FGF13: variants seen among roughly 807,000 people sequenced by gnomAD.
FGF13 encodes fibroblast growth factor 13.
A neutral mutation model predicts 19.5 loss-of-function variants in FGF13; 2 were observed. The ratio of observed to expected loss-of-function variants is 0.10; its 90% CI spans 0.04 to 0.32. The LOEUF is 0.32. Ranked by LOEUF, FGF13 falls within the 10% of genes least tolerant of loss-of-function variation. FGF13 has a pLI of 1.00. For missense variants in FGF13, 113 were observed against 192.7 expected (o/e 0.59, Z 2.45); for synonymous variants, 72 against 76.9 (o/e 0.94, Z 0.33).
At chrX:138,812,718 T>A (rs997452727) in intron 3 of FGF13, among the ~76,000 whole-genome samples, 5 of 111,814 alleles carry the variant, frequency 4.5e-5, no homozygotes, top group Admixed American at 9.5e-5. Context: ...TTTTGGATTT[T>A]AAAAAAATTT....
chrX:138,671,923 C>T (rs1322106141), intron 3 of FGF13, among the ~76,000 whole-genome samples: 1 of 108,337 alleles, frequency 9.2e-6, no homozygotes. Context: ...GTGAAAAAGT[C>T]ATATATGAAT....
intron 1 of FGF13, among the ~76,000 whole-genome samples, chrX:139,186,981 A>G (rs1425807500): frequency 8.9e-6 from 1 of 112,186 alleles, no homozygotes; most frequent in Non-Finnish European, 1.9e-5. Flanking sequence ...GTCACACTGT[A>G]TTTGTCTCCA....
chrX:139,042,862 C>T (rs893286010), intron 1 of FGF13, among the ~76,000 whole-genome samples: 3 of 111,549 alleles, frequency 2.7e-5, no homozygotes, highest in Non-Finnish European at 5.6e-5. Flanking sequence ...TAGTGCATTA[C>T]GATTTCATTA....
At chrX:138,709,861 C>T (rs2090025301) in intron 1 of FGF13, among the ~76,000 whole-genome samples, 1 of 112,112 alleles carries the variant, frequency 8.9e-6, no homozygotes, top group African/African-American at 3.2e-5. Flanking sequence ...GCATTAAAAA[C>T]TTTGTGCAAA....
At chrX:138,908,448 G>C (rs761427477) in intron 1 of FGF13, among the ~76,000 whole-genome samples, 1 of 103,508 alleles carries the variant, frequency 9.7e-6, no homozygotes, top group Non-Finnish European at 2.0e-5. Context: ...CATTATACAA[G>C]AGATCAAGTT....
intron 3 of FGF13, among the ~76,000 whole-genome samples, chrX:138,747,067 C>T (rs745427173): frequency 1.8e-5 from 2 of 111,826 alleles, no homozygotes; most frequent in Admixed American, 1.9e-4. Context: ...AGGGCCTGAT[C>T]TGTGTGCCCA....
chrX:138,918,401 G>A (rs2091629059), intron 1 of FGF13, among the ~76,000 whole-genome samples: 1 of 111,235 alleles, frequency 9.0e-6, no homozygotes, highest in South Asian at 3.9e-4. Context: ...TTCTAAGCAG[G>A]TCAGACTACA....
In FGF13 at chrX:138,823,176, A is replaced by T. The variant is rs147454965; in HGVS notation, c.217+34336T>A. ...GAGAAGCTTTGAGAGGAGATGATAGAGGGTTGAGATACAGTTGTAATATAT... is the reference window on the plus strand; with the variant it reads ...GAGAAGCTTTGAGAGGAGATGATAGTGGGTTGAGATACAGTTGTAATATAT... On this transcript the variant is annotated intron_variant, in intron 3 of 6. Coordinates refer to the FGF13 transcript ENST00000436198. 1.4e-4 allele frequency among the ~76,000 whole-genome samples: 15 copies of T among 110,822 alleles called. 1 individual carries two copies. In the East Asian group the frequency reaches 4.3e-3, roughly 32 times the overall value.
chrX:138,739,688 A>T (rs1489418409), upstream of FGF13, among the ~76,000 whole-genome samples: 1 of 112,166 alleles, frequency 8.9e-6, no homozygotes. Context: ...GACTTCTCCC[A>T]CAGTCAGGAA....
At chrX:138,996,473 C>T (rs976505409) in intron 1 of FGF13, among the ~76,000 whole-genome samples, 10 of 112,971 alleles carry the variant, frequency 8.9e-5, no homozygotes, top group African/African-American at 2.2e-4. Flanking sequence ...AGTCTGAAAT[C>T]GACCTGGGGT....
intron 1 of FGF13, among the ~76,000 whole-genome samples, chrX:139,016,299 A>AG (rs1307096365): frequency 9.0e-6 from 1 of 111,611 alleles, no homozygotes; most frequent in Non-Finnish European, 1.9e-5. Flanking sequence ...ATGTGAAAAG[A>AG]GGGGGGAAAG....
At chrX:139,003,468 C>G (rs973882501) in intron 1 of FGF13, among the ~76,000 whole-genome samples, 1 of 111,883 alleles carries the variant, frequency 8.9e-6, no homozygotes, top group African/African-American at 3.2e-5. Flanking sequence ...AATGCTGGCT[C>G]GGGCAGCCTG....
intron 1 of FGF13, among the ~76,000 whole-genome samples, chrX:139,058,703 C>T (rs966000042): frequency 1.3e-4 from 14 of 111,496 alleles, no homozygotes; most frequent in African/African-American, 4.0e-4. Flanking sequence ...TGTTTATTAG[C>T]ACAAAGTTAC....
In FGF13 at chrX:138,624,973, A is replaced by G. The variant is rs1378500745; in HGVS notation, c.*7877T>C. On this transcript the variant is annotated 3_prime_UTR_variant, in exon 5 of 5. Transcript: ENST00000315930. ...TATCCAAAATATATAAGGAACTCATACAAGTCAATAGCAAAAATACAAGTA... is the reference window on the plus strand; with the variant it reads ...TATCCAAAATATATAAGGAACTCATGCAAGTCAATAGCAAAAATACAAGTA... 3 of 111,949 alleles carry G rather than the reference A, an allele frequency of 2.7e-5. No homozygotes were observed. The East Asian group carries it at 8.4e-4, about 31-fold the overall frequency. 9.2% of individuals were successfully genotyped at this position (111,949 alleles called of 1,213,427 possible). A position where few individuals can be genotyped will look rare whatever the true frequency, so the allele number is the denominator to read the frequency against.
chrX:138,922,022 T>C (rs1366802779), intron 1 of FGF13, among the ~76,000 whole-genome samples: 1 of 105,784 alleles, frequency 9.5e-6, no homozygotes, highest in Non-Finnish European at 1.9e-5. Context: ...AAACGACCTC[T>C]CTATCATTGT....
chrX:139,177,956 C>G (rs961604852), intron 1 of FGF13, among the ~76,000 whole-genome samples: 2 of 112,182 alleles, frequency 1.8e-5, no homozygotes, highest in African/African-American at 6.5e-5. Flanking sequence ...CACAGTCCCT[C>G]ATGGGGAGGG....
chrX:139,079,977 C>T (rs2083358552), intron 1 of FGF13, among the ~76,000 whole-genome samples: 1 of 97,039 alleles, frequency 1.0e-5, no homozygotes, highest in African/African-American at 4.4e-5. Context: ...ATCAACATCA[C>T]CGTCATCATC....
intron 1 of FGF13, among the ~76,000 whole-genome samples, chrX:139,070,351 T>G (rs189563721): frequency 2.1e-4 from 24 of 111,998 alleles, no homozygotes; most frequent in African/African-American, 7.8e-4. Context: ...AAAGAAGAGA[T>G]TTATGCAGCC....
intron 1 of FGF13, among the ~76,000 whole-genome samples, chrX:139,014,189 C>G (rs1372795449): frequency 9.0e-6 from 1 of 111,088 alleles, no homozygotes; most frequent in Non-Finnish European, 1.9e-5. Context: ...AATGATGCAT[C>G]TTAAAGAACT....
Sources: allele counts gnomAD v4.1 joint callset (sites outside exome capture counted in the v4.1 genomes callset), GRCh38; gene constraint gnomAD v4.1.1; transcripts MANE v1.5; gene names NCBI Gene and HGNC (gene_info 2026-07-23, HGNC 2026-07-21).